ST3GAL2: variants seen among roughly 807,000 people sequenced by gnomAD.
ST3GAL2 encodes the protein ST3 beta-galactoside alpha-2,3-sialyltransferase 2.
Under a neutral mutation model 37.5 loss-of-function variants are expected in ST3GAL2, and 16 were observed. The ratio of observed to expected loss-of-function variants is 0.43; its 90% confidence interval spans 0.29 to 0.65. The LOEUF (loss-of-function observed/expected upper bound fraction) is 0.65, where lower values mean the gene tolerates loss of function less well. Ranked by LOEUF, ST3GAL2 falls within the 30% of genes least tolerant of loss-of-function variation. The pLI is 0.17. For missense variants in ST3GAL2, 383 were observed against 487.8 expected, an observed-to-expected ratio of 0.79 and a Z score of 2.02; for synonymous variants, 238 against 202.9, an observed-to-expected ratio of 1.17 and a Z score of -1.47.
chr16:70,428,805 C>T (rs767474727), intron 1 of ST3GAL2, among the ~76,000 whole-genome samples: 5 of 152,218 alleles, frequency 3.3e-5, no homozygotes, highest in African/African-American at 4.8e-5. Flanking sequence ...AGATCTGCCA[C>T]GTGGCTGTGC....
chr16:70,430,658 C>T (rs1477295548), intron 1 of ST3GAL2, among the ~76,000 whole-genome samples: 3 of 152,168 alleles, frequency 2.0e-5, no homozygotes, highest in Non-Finnish European at 4.4e-5. Flanking sequence ...GGCCTGGATC[C>T]AGGGAAATAC....
intron 1 of ST3GAL2, among the ~76,000 whole-genome samples, chr16:70,420,017 C>A (rs868583751): frequency 2.0e-5 from 3 of 149,410 alleles, no homozygotes; most frequent in Admixed American, 6.6e-5. Flanking sequence ...TTTGACCCCC[C>A]CCTTCCCTTT....
intron 1 of ST3GAL2, among the ~76,000 whole-genome samples, chr16:70,415,446 A>G (rs1195925691): frequency 1.3e-5 from 2 of 152,194 alleles, no homozygotes; most frequent in East Asian, 1.9e-4. Flanking sequence ...GTAAATTCCT[A>G]TTTTCACAAG....
intron 2 of ST3GAL2, among the ~76,000 whole-genome samples, chr16:70,396,298 CA>C (rs35024720): frequency 0.17 from 21,460 of 129,256 alleles, 2,673 homozygotes; most frequent in African/African-American, 0.4. Context: ...TATTTTTACT[CA>C]AAAAAAAAAA....
At chr16:70,422,446 C>T (rs2047721349) in intron 1 of ST3GAL2, among the ~76,000 whole-genome samples, 1 of 152,092 alleles carries the variant, frequency 6.6e-6, no homozygotes, top group Non-Finnish European at 1.5e-5. Context: ...GTGCTCTGGG[C>T]GCTGAGCAGG....
At position 70,400,264 on chromosome 16, in the gene ST3GAL2, T is replaced by G. The variant is rs528486001; in HGVS notation, c.-1003-731A>C. On this transcript the variant is annotated intron_variant, in intron 1 of 6. Coordinates refer to ENST00000342907, the MANE Select transcript of ST3GAL2 (RefSeq NM_006927.4). ...AAGAACAGGGAGAAAAGGCCACTTG[T>G]AGGCAGTTTGGGTCTCAGCCATAAG... 5 of 152,460 alleles carry G rather than the reference T, an allele frequency of 3.3e-5. No individual in the cohort carries two copies. The East Asian group carries it at 9.6e-4, about 29-fold the overall frequency. 9.4% of individuals were successfully genotyped at this position (152,460 alleles called of 1,614,324 possible). A position where few individuals can be genotyped will look rare whatever the true frequency, so the allele number is the denominator to read the frequency against.
chr16:70,383,599 A>AGGGAAAGGGAAGGAAGGGAAAG lies in ST3GAL2; in HGVS notation c.714-386_714-365dup, dbSNP rs2047421458. 6.0e-5 allele frequency among the ~76,000 whole-genome samples: 9 copies of AGGGAAAGGGAAGGAAGGGAAAG among 150,276 alleles called. 1 individual carries two copies. On this transcript the variant is annotated intron_variant, in intron 4 of 6. Transcript: ENST00000342907. ...GGAAAGGAGAGGGGTGGGGAGGGGA[A>AGGGAAAGGGAAGGAAGGGAAAG]GGGAAAGGGAAGGAAGGGAAAGGAG...
At chr16:70,411,360 G>C (rs547524244) in intron 1 of ST3GAL2, among the ~76,000 whole-genome samples, 1 of 151,336 alleles carries the variant, frequency 6.6e-6, no homozygotes, top group East Asian at 1.9e-4. Flanking sequence ...TTCCAGCCTG[G>C]ATGACAGTGA....
chr16:70,416,577 G>C (rs1251403089), intron 1 of ST3GAL2, among the ~76,000 whole-genome samples: 2 of 151,956 alleles, frequency 1.3e-5, no homozygotes, highest in African/African-American at 4.8e-5. Context: ...CATAAGCCCA[G>C]GGCTATAAAA....
chr16:70,398,183 A>G lies in ST3GAL2; in HGVS notation c.339+9T>C. 6.2e-7 allele frequency: 1 copy of G among 1,608,624 alleles called. No individual in the cohort carries two copies. Among genetic ancestry groups the G allele is most frequent in the Admixed American group, 1.7e-5 (1 of 59,938 alleles). ...GGACAGATCCCTGGAAGGGAGCAGC[A>G]GCTCTTACCATCCACCACCTCTGGA... On this transcript the variant is annotated intron_variant, in intron 2 of 6. Transcript: ENST00000342907.
chr16:70,410,216 T>A (rs2151669471), intron 1 of ST3GAL2, among the ~76,000 whole-genome samples: 1 of 148,842 alleles, frequency 6.7e-6, no homozygotes, highest in South Asian at 2.1e-4. Context: ...CTGACTTGGG[T>A]TGACATATTA....
In ST3GAL2 at chr16:70,427,686, T is replaced by C. The variant is rs183754790; in HGVS notation, c.-1004+11263A>G. The stretch of plus-strand genomic sequence containing the variant: ...CCAATTTCTGGGAAAGGAACCCCCA[T>C]CCATCTAAGCCTGAAATGTAAGAGT... On this transcript the variant is annotated intron_variant, in intron 1 of 6. Coordinates refer to ENST00000342907, the MANE Select transcript of ST3GAL2 (RefSeq NM_006927.4). 7.5e-4 allele frequency among the ~76,000 whole-genome samples: 114 copies of C among 152,214 alleles called. 1 individual carries two copies. In the East Asian group the frequency reaches 0.02, roughly 26 times the overall value.
chr16:70,434,329 C>T lies in ST3GAL2; in HGVS notation c.-1004+4620G>A, dbSNP rs184087415. 1.8e-3 allele frequency among the ~76,000 whole-genome samples: 272 copies of T among 152,002 alleles called. 1 individual carries two copies. Among genetic ancestry groups the T allele is most frequent in the African/African-American group, 5.6e-3 (232 of 41,436 alleles). ...GTGCGTGCCTGTAATCCCAGCTACT[C>T]GGGAGGCTGAGGCATGAGAGTCGCT... On this transcript the variant is annotated intron_variant, in intron 1 of 6. Transcript: ENST00000342907.
chr16:70,420,272 G>A (rs536402538), intron 1 of ST3GAL2, among the ~76,000 whole-genome samples: 2 of 152,166 alleles, frequency 1.3e-5, no homozygotes, highest in South Asian at 4.2e-4. Context: ...GGGCTAAACT[G>A]GCCTGAGCAG....
At chr16:70,422,320 A>G (rs969488790) in intron 1 of ST3GAL2, among the ~76,000 whole-genome samples, 1 of 152,196 alleles carries the variant, frequency 6.6e-6, no homozygotes, top group African/African-American at 2.4e-5. Flanking sequence ...TCAGCCTCAT[A>G]GAGAGGAAGG....
At position 70,382,938 on chromosome 16, in the gene ST3GAL2, G is replaced by T. The variant is rs762680129; in HGVS notation, c.760-14C>A. Reference sequence around the variant, plus strand: ...GTAGATCTGGACCTGGGAGGAGAAGGGATGACAGGTATATGAGGGGTTTAG... The same window carrying T: ...GTAGATCTGGACCTGGGAGGAGAAGTGATGACAGGTATATGAGGGGTTTAG... On this transcript the variant is annotated splice_polypyrimidine_tract_variant and intron_variant, in intron 5 of 6. Transcript: ENST00000342907. 2 of 1,611,726 alleles carry T rather than the reference G, an allele frequency of 1.2e-6. No homozygotes were observed. Among genetic ancestry groups the T allele is most frequent in the South Asian group, 1.1e-5 (1 of 90,748 alleles).
chr16:70,381,512 C>T lies in ST3GAL2; in HGVS notation c.*177G>A. ...TTGGCTGGGAGAAACAGAAGCTCCG[C>T]CCGACCGCAGCGCAGATTGGTGCCA... On this transcript the variant is annotated 3_prime_UTR_variant, in exon 7 of 7. Transcript: ENST00000342907. 1 of 720,630 alleles carries T rather than the reference C, an allele frequency of 1.4e-6. No homozygotes were observed. The allele number at this position is 720,630 out of a possible 1,614,324, so 44.6% of individuals were successfully genotyped here. A position where few individuals can be genotyped will look rare whatever the true frequency, so the allele number is the denominator to read the frequency against.
Position 70,380,872 on chromosome 16 carries a change from A to AT in ST3GAL2, c.*816dup, listed in dbSNP as rs913622584. ...GGTAGGGACGGAGTCGGGGGACGGG[A>AT]TTTTTTTCCAGAGCAACAGGTAGGC... On this transcript the variant is annotated 3_prime_UTR_variant, in exon 7 of 7. Coordinates refer to ENST00000342907, the MANE Select transcript of ST3GAL2 (RefSeq NM_006927.4). 1 of 153,694 alleles carries AT rather than the reference A, an allele frequency of 6.5e-6. No individual in the cohort carries two copies. The highest frequency in any genetic ancestry group is 6.5e-5 in the Admixed American group (1 of 15,316). The allele number at this position is 153,694 out of a possible 1,614,324, so 9.5% of individuals were successfully genotyped here.
Position 70,381,523 on chromosome 16 carries a change from C to A in ST3GAL2, c.*166G>T. On this transcript the variant is annotated 3_prime_UTR_variant, in exon 7 of 7. Coordinates refer to ENST00000342907, the MANE Select transcript of ST3GAL2 (RefSeq NM_006927.4). ...AAACAGAAGCTCCGCCCGACCGCAGCGCAGATTGGTGCCAGGCCCGGCCGG... is the reference window on the plus strand; with the variant it reads ...AAACAGAAGCTCCGCCCGACCGCAGAGCAGATTGGTGCCAGGCCCGGCCGG... 4 of 773,410 alleles carry A rather than the reference C, an allele frequency of 5.2e-6. No individual in the cohort carries two copies. Among genetic ancestry groups the A allele is most frequent in the East Asian group, 2.7e-5 (1 of 36,490 alleles). 47.9% of individuals were successfully genotyped at this position (773,410 alleles called of 1,614,324 possible). A position where few individuals can be genotyped will look rare whatever the true frequency, so the allele number is the denominator to read the frequency against.
Sources: allele counts gnomAD v4.1 joint callset (sites outside exome capture counted in the v4.1 genomes callset), GRCh38; gene constraint gnomAD v4.1.1; transcripts MANE v1.5; gene names NCBI Gene and HGNC (gene_info 2026-07-23, HGNC 2026-07-21).